CCL26: variants seen among roughly 807,000 people sequenced by gnomAD.
CCL26 encodes C-C motif chemokine 26.
CCL26 carries 10 observed loss-of-function variants against 10.7 expected under a neutral mutation model. That is an observed-to-expected ratio of 0.93 (90% CI 0.57 to 1.58). The LOEUF (loss-of-function observed/expected upper bound fraction) is 1.58, where lower values mean the gene tolerates loss of function less well. CCL26 is among the 40% of genes most tolerant of loss of function. The probability of loss-of-function intolerance (pLI) is 0.00; values close to 1 mark genes in which losing one functional copy is unlikely to be tolerated. For missense variants in CCL26, 116 were observed against 111.0 expected (o/e 1.05, Z -0.20); for synonymous variants, 43 against 41.4 (o/e 1.04, Z -0.15).
At chr7:75,772,770 G>A (rs569696049), upstream of CCL26, among the ~76,000 whole-genome samples, 4 of 152,260 alleles carry the variant, frequency 2.6e-5, no homozygotes, top group South Asian at 8.3e-4. Context: ...TGGGAGAAGA[G>A]CAGGGGCAGG....
chr7:75,784,955 T>TTAATCGCCTGTTAC (rs1563340093), intron 1 of CCL26, among the ~76,000 whole-genome samples: 1 of 152,202 alleles, frequency 6.6e-6, no homozygotes, highest in Non-Finnish European at 1.5e-5. Flanking sequence ...AAGCCTGTTA[T>TTAATCGCCTGTTAC]TACTCGCCTG....
chr7:75,777,617 T>C (rs1246419982), intron 1 of CCL26, among the ~76,000 whole-genome samples: 2 of 150,904 alleles, frequency 1.3e-5, no homozygotes, highest in Non-Finnish European at 2.9e-5. Flanking sequence ...AGTTTGGTGG[T>C]ACATGCCTTT....
intron 1 of CCL26, among the ~76,000 whole-genome samples, chr7:75,781,719 C>T: frequency 6.6e-6 from 1 of 152,152 alleles, no homozygotes; most frequent in South Asian, 2.1e-4. Context: ...AGCTCCCCCA[C>T]TGAGCATCTT....
chr7:75,785,721 G>A (rs112327745), intron 1 of CCL26, among the ~76,000 whole-genome samples: 5,888 of 148,406 alleles, frequency 0.04, 155 homozygotes, highest in South Asian at 0.13. Context: ...TGACCCTATC[G>A]ATCCTAAATC....
At chr7:75,771,779 A>G (rs1174298968) in intron 2 of CCL26, 110 bp downstream of exon 2, 2 of 727,926 alleles carry the variant, frequency 2.7e-6, no homozygotes, top group East Asian at 5.0e-5. Flanking sequence ...TAGTGTGCAG[A>G]GGTGGGGTTT....
chr7:75,772,549 C>T (rs1179685244), upstream of CCL26, among the ~76,000 whole-genome samples: 3 of 151,710 alleles, frequency 2.0e-5, no homozygotes, highest in Non-Finnish European at 4.4e-5. Context: ...CCCAGCTACT[C>T]CTGAGGGTGA....
At chr7:75,781,520 G>A (rs2115677061) in intron 1 of CCL26, among the ~76,000 whole-genome samples, 1 of 152,290 alleles carries the variant, frequency 6.6e-6, no homozygotes, top group African/African-American at 2.4e-5. Context: ...AATGAAAATA[G>A]GACTGTCTAA....
At chr7:75,770,115 A>G (rs1802790157) in intron 2 of CCL26, among the ~76,000 whole-genome samples, 2 of 149,930 alleles carry the variant, frequency 1.3e-5, no homozygotes, top group East Asian at 2.0e-4. Context: ...TGTTGCCCAC[A>G]TTGGAGTGCA....
chr7:75,786,155 G>A (rs189795548), intron 1 of CCL26, among the ~76,000 whole-genome samples: 173 of 152,104 alleles, frequency 1.1e-3, no homozygotes, highest in African/African-American at 3.2e-3. Context: ...ACTTCAATCC[G>A]GCCTCCCACA....
upstream of CCL26, among the ~76,000 whole-genome samples, chr7:75,775,205 C>T (rs7783623): frequency 0.28 from 43,093 of 151,462 alleles, 6,567 homozygotes; most frequent in African/African-American, 0.39. Flanking sequence ...GGCAACAGGG[C>T]GAGACTCCAT....
chr7:75,781,504 G>A (rs955162219), intron 1 of CCL26, among the ~76,000 whole-genome samples: 1 of 152,180 alleles, frequency 6.6e-6, no homozygotes, highest in African/African-American at 2.4e-5. Flanking sequence ...ATCTGTGTGG[G>A]ACCCCAATGA....
At chr7:75,777,337 T>C (rs1802963134) in intron 1 of CCL26, among the ~76,000 whole-genome samples, 4 of 152,300 alleles carry the variant, frequency 2.6e-5, no homozygotes, top group Middle Eastern at 3.4e-3. Flanking sequence ...ATGACCCTCA[T>C]GTCTGTCAAT....
intron 2 of CCL26, among the ~76,000 whole-genome samples, chr7:75,770,727 A>G (rs1802802756): frequency 1.3e-5 from 2 of 151,932 alleles, no homozygotes; most frequent in Non-Finnish European, 2.9e-5. Flanking sequence ...CCCAGGCTGG[A>G]GTGCAGTGGC....
In CCL26 at chr7:75,769,775, C is replaced by G; in HGVS notation, c.203G>C (p.Arg68Thr). ...TGGATGGGTACAGACTTTCTTGCCT[C>G]TTTTGGTAGTGAATCTGTGAAAAAG... ...SQRAVIFTTK[R>T]GKKVCTHPRK... The change falls in exon 3 of 3, where the codon AGA (arginine) becomes ACA (threonine). Residue 68 changes from arginine to threonine, a missense_variant. By Grantham distance (71) the Arg-to-Thr change is moderately conservative (BLOSUM62 -1). Coordinates refer to ENST00000005180, the MANE Select transcript of CCL26 (RefSeq NM_001371938.1). The G allele has an allele frequency of 6.2e-7, 1 of 1,605,580 alleles. No individual in the cohort carries two copies. Among genetic ancestry groups the G allele is most frequent in the Non-Finnish European group, 8.5e-7 (1 of 1,172,230 alleles).
Position 75,788,611 on chromosome 7 carries a change from C to A in CCL26, c.-79+1106G>T, listed in dbSNP as rs111656955. The stretch of plus-strand genomic sequence containing the variant: ...AACATTAGCCAGGTGTGGTGGTGTG[C>A]GTCTGTAATCCCAGCTACTCAGGAG... On this transcript the variant is annotated intron_variant, in intron 1 of 3. Coordinates refer to the CCL26 transcript ENST00000394905. Among the ~76,000 whole-genome samples, 206 of 151,684 alleles carry A rather than the reference C, an allele frequency of 1.4e-3. 2 individuals are homozygous for A. The highest frequency in any genetic ancestry group is 1.9e-3 in the Non-Finnish European group (131 of 67,966).
chr7:75,779,354 A>G (rs1022150193), intron 1 of CCL26, among the ~76,000 whole-genome samples: 7 of 152,072 alleles, frequency 4.6e-5, no homozygotes, highest in Admixed American at 2.0e-4. Flanking sequence ...TGGGAGATAA[A>G]TCCCATGTCC....
intron 1 of CCL26, among the ~76,000 whole-genome samples, chr7:75,783,878 GC>G (rs1554529705): frequency 2.0e-5 from 3 of 151,810 alleles, no homozygotes; most frequent in South Asian, 4.2e-4. Context: ...ATGCTTTACA[GC>G]CCTACACCCT....
At chr7:75,786,596 G>C (rs1803189030) in intron 1 of CCL26, among the ~76,000 whole-genome samples, 1 of 152,188 alleles carries the variant, frequency 6.6e-6, no homozygotes, top group African/African-American at 2.4e-5. Flanking sequence ...AAAGAAAGCT[G>C]GAGTCAAAGC....
chr7:75,773,814 C>T (rs543568032), upstream of CCL26, among the ~76,000 whole-genome samples: 261 of 151,826 alleles, frequency 1.7e-3, 1 homozygote, highest in Non-Finnish European at 2.5e-3. Flanking sequence ...ACCTGGGGGG[C>T]AGAGGTTGCA....
Sources: allele counts gnomAD v4.1 joint callset (sites outside exome capture counted in the v4.1 genomes callset), GRCh38; gene constraint gnomAD v4.1.1; transcripts MANE v1.5; gene names NCBI Gene and HGNC (gene_info 2026-07-23, HGNC 2026-07-21).